The following BIRC2 variants were observed in gnomAD, a reference collection of about 807,000 sequenced individuals.
BIRC2 encodes the protein baculoviral IAP repeat containing 2.
BIRC2 carries 18 observed loss-of-function variants against 60.9 expected under a neutral mutation model. The ratio of observed to expected loss-of-function variants is 0.30; its 90% confidence interval spans 0.20 to 0.44. The LOEUF (loss-of-function observed/expected upper bound fraction) is 0.44, where lower values mean the gene tolerates loss of function less well. Ranked by LOEUF, BIRC2 falls within the 20% of genes least tolerant of loss-of-function variation. BIRC2 has a pLI of 1.00. For synonymous variants in BIRC2, 282 were observed against 247.7 expected (o/e 1.14, Z -1.30); for missense variants, 701 against 728.5 (o/e 0.96, Z 0.43).
chr11:102,361,274 C>CGTAGA (rs1951483107), intron 3 of BIRC2, among the ~76,000 whole-genome samples: 1 of 152,112 alleles, frequency 6.6e-6, no homozygotes, highest in Non-Finnish European at 1.5e-5. Flanking sequence ...TGTGGGTGCA[C>CGTAGA]GTAGAGCAGC....
At chr11:102,365,402 C>T (rs529519317) in intron 5 of BIRC2, among the ~76,000 whole-genome samples, 2 of 152,322 alleles carry the variant, frequency 1.3e-5, no homozygotes, top group Admixed American at 1.3e-4. Context: ...CCCTTTACAA[C>T]AAAATACCTA....
intron 5 of BIRC2, among the ~76,000 whole-genome samples, chr11:102,366,679 A>G (rs1951556475): frequency 6.6e-6 from 1 of 151,952 alleles, no homozygotes; most frequent in Non-Finnish European, 1.5e-5. Context: ...CTCCACCACT[A>G]TTAACCTAAT....
chr11:102,356,796 A>G (rs533089662), intron 3 of BIRC2, among the ~76,000 whole-genome samples: 7 of 151,056 alleles, frequency 4.6e-5, no homozygotes, highest in Admixed American at 2.0e-4. Flanking sequence ...CTCCTGCCTC[A>G]GCCTCCCGAG....
chr11:102,363,951 G>A (rs1053417352), intron 5 of BIRC2, among the ~76,000 whole-genome samples: 81 of 151,342 alleles, frequency 5.4e-4, no homozygotes, highest in African/African-American at 1.9e-3. Flanking sequence ...TCGGGAGGCT[G>A]AGGCAGGAGA....
chr11:102,349,913 G>A lies in BIRC2; in HGVS notation c.59G>A (p.Ser20Asn). 2 of 1,614,070 alleles carry A rather than the reference G, an allele frequency of 1.2e-6. No individual in the cohort carries two copies. The highest frequency in any genetic ancestry group is 2.2e-5 in the East Asian group (1 of 44,888). Residue 20 changes from serine (S) to asparagine (N), a missense_variant, in exon 2 of 9, where the codon AGT becomes AAT. Coordinates refer to ENST00000227758, the MANE Select transcript of BIRC2 (RefSeq NM_001166.5). ...FPGPSYQNIK[S>N]IMEDSTILSD... ...GGTCCCTCGTATCAAAACATTAAGA[G>A]TATAATGGAAGATAGCACGATCTTG...
chr11:102,359,610 A>G (rs754050376), intron 3 of BIRC2, among the ~76,000 whole-genome samples: 2 of 152,234 alleles, frequency 1.3e-5, no homozygotes, highest in Non-Finnish European at 2.9e-5. Flanking sequence ...TTGCTGGGAT[A>G]CATATTCTTG....
Position 102,350,646 on chromosome 11 carries a change from G to C in BIRC2, c.792G>C (p.Leu264=), listed in dbSNP as rs771488106. The part of the protein sequence containing the change: ...LETLRFSISN[L]SMQTHAARMR... ...CTCTGAGGTTTAGCATTTCAAATCT[G>C]AGCATGCAGACACATGCAGCTCGAA... The change falls in exon 2 of 9, where the codon CTG becomes CTC. Residue 264 remains leucine, a synonymous_variant. Transcript: ENST00000227758. 6 of 1,613,898 alleles carry C rather than the reference G, an allele frequency of 3.7e-6. No individual in the cohort carries two copies. The Admixed American group carries it at 8.3e-5, about 22-fold the overall frequency.
intron 3 of BIRC2, among the ~76,000 whole-genome samples, chr11:102,356,174 T>C (rs1014620216): frequency 3.3e-5 from 5 of 151,786 alleles, no homozygotes; most frequent in Middle Eastern, 3.2e-3. Context: ...TCGTTCCTCA[T>C]GTTAGTGGAA....
At chr11:102,359,897 AT>A (rs142611857) in intron 3 of BIRC2, among the ~76,000 whole-genome samples, 12 of 144,540 alleles carry the variant, frequency 8.3e-5, no homozygotes, top group Admixed American at 2.1e-4. Context: ...AGTTTTCAGC[AT>A]TTTTTTTTTA....
intron 6 of BIRC2, among the ~76,000 whole-genome samples, chr11:102,369,044 C>T (rs918192704): frequency 6.6e-6 from 1 of 151,996 alleles, no homozygotes; most frequent in South Asian, 2.1e-4. Context: ...CCTGCCCAAT[C>T]CAAGGATAAC....
intron 6 of BIRC2, among the ~76,000 whole-genome samples, chr11:102,369,554 C>T (rs1450357406): frequency 1.0e-4 from 15 of 147,678 alleles, no homozygotes; most frequent in African/African-American, 3.7e-4. Context: ...TTTCTTAATC[C>T]GGTCTATCAT....
At chr11:102,373,914 C>A (rs1323823928) in intron 6 of BIRC2, among the ~76,000 whole-genome samples, 1 of 145,100 alleles carries the variant, frequency 6.9e-6, no homozygotes, top group African/African-American at 2.6e-5. Flanking sequence ...TCATTTCATT[C>A]ATTTCATCTT....
intron 3 of BIRC2, 148 bp downstream of exon 3, chr11:102,351,091 T>C: frequency 1.3e-6 from 1 of 753,702 alleles, no homozygotes; most frequent in Non-Finnish European, 2.1e-6. Context: ...ACATTTTAAC[T>C]TTAATTATTT....
At chr11:102,363,437 A>G (rs1951507469) in intron 4 of BIRC2, among the ~76,000 whole-genome samples, 1 of 152,146 alleles carries the variant, frequency 6.6e-6, no homozygotes, top group African/African-American at 2.4e-5. Context: ...CCACTGATAC[A>G]TTTTTCTACT....
chr11:102,362,906 T>C lies in BIRC2; in HGVS notation c.1006T>C (p.Leu336=). ...HAKWFPRCEF[L]IRMKGQEFVD... is the part of the protein sequence containing the mutation. ...CCTCATATGTTTTAGGTGTGAGTTC[T>C]TGATACGAATGAAAGGCCAAGAGTT... Residue 336 remains leucine, a synonymous_variant, in exon 4 of 9, where the codon TTG becomes CTG. Coordinates refer to ENST00000227758, the MANE Select transcript of BIRC2 (RefSeq NM_001166.5). 1 of 1,612,504 alleles carries C rather than the reference T, an allele frequency of 6.2e-7. No individual in the cohort carries two copies. Among genetic ancestry groups the C allele is most frequent in the South Asian group, 1.1e-5 (1 of 90,990 alleles).
At chr11:102,355,119 G>A (rs1035116691) in intron 3 of BIRC2, among the ~76,000 whole-genome samples, 7 of 151,752 alleles carry the variant, frequency 4.6e-5, no homozygotes, top group Admixed American at 1.3e-4. Flanking sequence ...TGTTGTAGTC[G>A]CAGTTTATTT....
intron 3 of BIRC2, 147 bp downstream of exon 3, chr11:102,351,090 C>CT (rs955126894): frequency 1.3e-6 from 1 of 762,922 alleles, no homozygotes; most frequent in Non-Finnish European, 2.1e-6. Flanking sequence ...CACATTTTAA[C>CT]TTTAATTATT....
chr11:102,374,616 T>C (rs994092121), intron 6 of BIRC2, among the ~76,000 whole-genome samples: 2 of 148,934 alleles, frequency 1.3e-5, no homozygotes, highest in African/African-American at 2.6e-5. Context: ...TACTGCTGTC[T>C]TTTTGTTTGT....
intron 3 of BIRC2, among the ~76,000 whole-genome samples, chr11:102,354,784 C>T (rs1951402199): frequency 6.6e-6 from 1 of 152,094 alleles, no homozygotes. Context: ...AATAAGGCAT[C>T]ATTACAGGTG....
Sources: allele counts gnomAD v4.1 joint callset (sites outside exome capture counted in the v4.1 genomes callset), GRCh38; gene constraint gnomAD v4.1.1; transcripts MANE v1.5; gene names NCBI Gene and HGNC (gene_info 2026-07-23, HGNC 2026-07-21).